The following NEK11 variants were observed in gnomAD, a reference collection of about 807,000 sequenced individuals.
NEK11 encodes the protein NIMA related kinase 11.
A neutral mutation model predicts 80.7 loss-of-function variants in NEK11; 72 were observed. The ratio of observed to expected loss-of-function variants is 0.89; its 90% CI spans 0.74 to 1.08. NEK11 has a LOEUF of 1.08. Ranked by LOEUF, NEK11 falls within the 50% of genes least tolerant of loss-of-function variation. NEK11 has a pLI of 0.00. For missense variants in NEK11, 764 were observed against 763.6 expected, an observed-to-expected ratio of 1.00 and a Z score of -0.01; for synonymous variants, 251 against 260.7, an observed-to-expected ratio of 0.96 and a Z score of 0.36.
chr3:131,043,767 T>C (rs1372234830), intron 3 of NEK11, among the ~76,000 whole-genome samples: 2 of 152,052 alleles, frequency 1.3e-5, no homozygotes, highest in African/African-American at 2.4e-5. Flanking sequence ...CAGAGAACAC[T>C]GCAAAGATAC....
At chr3:131,035,841 A>G (rs899637800) in intron 3 of NEK11, among the ~76,000 whole-genome samples, 6 of 152,222 alleles carry the variant, frequency 3.9e-5, no homozygotes, top group Non-Finnish European at 8.8e-5. Context: ...GAACTTGACA[A>G]AATGGAACAG....
chr3:131,220,160 A>AG (rs2094970378), intron 14 of NEK11, among the ~76,000 whole-genome samples: 1 of 152,102 alleles, frequency 6.6e-6, no homozygotes, highest in Non-Finnish European at 1.5e-5. Context: ...TGCTTACCTT[A>AG]TACAAAATGG....
chr3:131,294,890 G>A (rs375068947), intron 17 of NEK11, among the ~76,000 whole-genome samples: 32 of 152,052 alleles, frequency 2.1e-4, no homozygotes, highest in African/African-American at 7.7e-4. Flanking sequence ...AATTATTAAG[G>A]CTCCCCTTGA....
intron 14 of NEK11, among the ~76,000 whole-genome samples, chr3:131,205,713 C>T (rs1037407562): frequency 1.3e-5 from 2 of 152,164 alleles, no homozygotes; most frequent in East Asian, 1.9e-4. Flanking sequence ...GTCTCTAGAG[C>T]TCTGGGGGAT....
At chr3:131,311,393 C>T (rs533605540) in intron 17 of NEK11, among the ~76,000 whole-genome samples, 2 of 152,116 alleles carry the variant, frequency 1.3e-5, no homozygotes, top group Non-Finnish European at 2.9e-5. Context: ...ATTAACCAAC[C>T]TTTGTTCACC....
intron 7 of NEK11, among the ~76,000 whole-genome samples, chr3:131,142,791 G>A (rs1311786445): frequency 1.3e-5 from 2 of 152,120 alleles, no homozygotes; most frequent in Non-Finnish European, 2.9e-5. Context: ...CACTGGTTTT[G>A]ATCTTTTTCC....
At chr3:131,255,648 A>G (rs2095802256) in intron 16 of NEK11, among the ~76,000 whole-genome samples, 1 of 152,104 alleles carries the variant, frequency 6.6e-6, no homozygotes, top group African/African-American at 2.4e-5. Flanking sequence ...TCCTTTCTAG[A>G]GAATGCTTCC....
At chr3:131,217,873 C>T (rs1383105496) in intron 14 of NEK11, among the ~76,000 whole-genome samples, 2 of 152,170 alleles carry the variant, frequency 1.3e-5, no homozygotes, top group Non-Finnish European at 2.9e-5. Context: ...GGAGCATCTA[C>T]CATGTTCTGG....
At chr3:131,072,637 G>GCTGTATATGATTT (rs2073605448) in intron 3 of NEK11, among the ~76,000 whole-genome samples, 1 of 152,166 alleles carries the variant, frequency 6.6e-6, no homozygotes, top group Admixed American at 6.6e-5. Flanking sequence ...ATTTTAAGGG[G>GCTGTATATGATTT]AAGTTAGAAT....
intron 17 of NEK11, among the ~76,000 whole-genome samples, chr3:131,324,505 G>T (rs897692127): frequency 6.6e-6 from 1 of 152,132 alleles, no homozygotes; most frequent in African/African-American, 2.4e-5. Context: ...GCTTGGTAAA[G>T]AAATCTATTT....
At chr3:131,141,815 T>A (rs1230187973) in intron 7 of NEK11, among the ~76,000 whole-genome samples, 1 of 152,062 alleles carries the variant, frequency 6.6e-6, no homozygotes, top group Non-Finnish European at 1.5e-5. Context: ...GAGGGGAGTG[T>A]TGGTACATTT....
At chr3:131,090,292 A>C (rs986660083) in intron 4 of NEK11, among the ~76,000 whole-genome samples, 1 of 152,218 alleles carries the variant, frequency 6.6e-6, no homozygotes. Context: ...TAATCCATCA[A>C]ATGTTACAGT....
chr3:131,057,660 G>C (rs2069844273), intron 3 of NEK11, among the ~76,000 whole-genome samples: 1 of 152,008 alleles, frequency 6.6e-6, no homozygotes, highest in Non-Finnish European at 1.5e-5. Context: ...ATTTTTTCAT[G>C]TGTTTTTTGG....
At chr3:131,100,060 G>C (rs552129744) in intron 4 of NEK11, among the ~76,000 whole-genome samples, 1 of 152,310 alleles carries the variant, frequency 6.6e-6, no homozygotes, top group Non-Finnish European at 1.5e-5. Context: ...AATGGTTCCA[G>C]TTTTTGCCAT....
At chr3:131,333,436 C>T (rs1329073491) in intron 17 of NEK11, among the ~76,000 whole-genome samples, 1 of 152,112 alleles carries the variant, frequency 6.6e-6, no homozygotes, top group Non-Finnish European at 1.5e-5. Context: ...TTGTCACCAC[C>T]AGGCCTGCCC....
intron 16 of NEK11, among the ~76,000 whole-genome samples, chr3:131,251,200 C>CAAAAA (rs770059749): frequency 2.1e-4 from 19 of 90,896 alleles, no homozygotes; most frequent in African/African-American, 3.9e-4. Context: ...AAGGTAAATA[C>CAAAAA]AAAAAAAAAA....
chr3:131,147,305 A>G (rs1445138221), intron 7 of NEK11, among the ~76,000 whole-genome samples: 1 of 152,054 alleles, frequency 6.6e-6, no homozygotes, highest in Non-Finnish European at 1.5e-5. Flanking sequence ...TTGGCCCAGC[A>G]TAATTTGTTG....
At chr3:131,264,562 A>G (rs1336890663) in intron 16 of NEK11, among the ~76,000 whole-genome samples, 1 of 152,136 alleles carries the variant, frequency 6.6e-6, no homozygotes, top group Non-Finnish European at 1.5e-5. Context: ...GTTCTGTTCC[A>G]TTGATCTATA....
At position 131,058,364 on chromosome 3, in the gene NEK11, C is replaced by T. The variant is rs559249673; in HGVS notation, c.171-22059C>T. Among the ~76,000 whole-genome samples, 1,284 of 152,154 alleles carry T rather than the reference C, an allele frequency of 8.4e-3. 24 individuals are homozygous for T. The highest frequency in any genetic ancestry group is 0.029 in the African/African-American group (1,224 of 41,508). ...TTCTTTTGGCTTAGGACTGACTTGG[C>T]GATGCGGGCTCTTTTTTGGTTCCAT... On this transcript the variant is annotated intron_variant, in intron 3 of 17. Transcript: ENST00000383366.
Sources: gnomAD v4.1 joint callset for allele counts (sites outside exome capture counted in the v4.1 genomes callset) on GRCh38, gnomAD v4.1.1 for gene constraint, MANE v1.5 for transcripts, NCBI Gene and HGNC (gene_info 2026-07-23, HGNC 2026-07-21) for gene names.